MID2: variants seen among roughly 807,000 people sequenced by gnomAD.
MID2 encodes probable E3 ubiquitin-protein ligase MID2.
Under a neutral mutation model 46.1 loss-of-function variants are expected in MID2, and 13 were observed. The observed-to-expected ratio is 0.28, with a 90% CI of 0.18 to 0.45. The LOEUF is 0.45. Ranked by LOEUF, MID2 falls within the 20% of genes least tolerant of loss-of-function variation. The pLI is 1.00. For missense variants in MID2, 431 were observed against 575.4 expected, an observed-to-expected ratio of 0.75 and a Z score of 2.57; for synonymous variants, 199 against 212.3, an observed-to-expected ratio of 0.94 and a Z score of 0.55.
At position 107,927,460 on chromosome X, in the gene MID2, C is replaced by G. The variant is rs897483117; in HGVS notation, c.*387C>G. ...GCAAGCCAGAGCGGGGGGTGGTCAGCCTTTCTAGTACTGGCCAGTTTGGCC... is the reference window on the plus strand; with the variant it reads ...GCAAGCCAGAGCGGGGGGTGGTCAGGCTTTCTAGTACTGGCCAGTTTGGCC... On this transcript the variant is annotated 3_prime_UTR_variant, in exon 10 of 10. Transcript: ENST00000262843. 1.8e-5 allele frequency among the ~76,000 whole-genome samples: 2 copies of G among 111,329 alleles called. No homozygotes were observed. Among genetic ancestry groups the G allele is most frequent in the African/African-American group, 6.5e-5 (2 of 30,603 alleles).
chrX:107,890,755 G>T (rs989152825), intron 3 of MID2, among the ~76,000 whole-genome samples: 11 of 111,831 alleles, frequency 9.8e-5, no homozygotes, highest in African/African-American at 3.3e-4. Context: ...TTGAGCTGCG[G>T]TGGGCTCCAC....
At chrX:107,854,358 T>C (rs1409546403) in intron 2 of MID2, among the ~76,000 whole-genome samples, 1 of 112,397 alleles carries the variant, frequency 8.9e-6, no homozygotes, top group Admixed American at 9.5e-5. Flanking sequence ...AAACATAAGG[T>C]TTCTTTAATG....
At chrX:107,839,773 G>A (rs1424712127) in intron 1 of MID2, among the ~76,000 whole-genome samples, 1 of 112,364 alleles carries the variant, frequency 8.9e-6, no homozygotes, top group Non-Finnish European at 1.9e-5. Context: ...TTTGCATCCT[G>A]TTATGTTTTA....
intron 3 of MID2, among the ~76,000 whole-genome samples, chrX:107,875,577 A>G (rs1415048791): frequency 9.0e-6 from 1 of 111,459 alleles, no homozygotes; most frequent in Non-Finnish European, 1.9e-5. Context: ...CTGTGTTAAT[A>G]TCAGTCTTCA....
chrX:107,925,792 G>A (rs752127618), intron 8 of MID2, among the ~76,000 whole-genome samples: 1 of 111,151 alleles, frequency 9.0e-6, no homozygotes, highest in Non-Finnish European at 1.9e-5. Context: ...GCTCCTCTTT[G>A]CTTGGAATAT....
chrX:107,848,503 G>A (rs1931538559), intron 2 of MID2, among the ~76,000 whole-genome samples: 1 of 111,236 alleles, frequency 9.0e-6, no homozygotes. Flanking sequence ...GAGAGTGGGG[G>A]AGGTGTGGGT....
intron 1 of MID2, among the ~76,000 whole-genome samples, chrX:107,830,701 T>A (rs1399340818): frequency 8.9e-6 from 1 of 112,298 alleles, no homozygotes; most frequent in African/African-American, 3.2e-5. Context: ...ACTAGAAAAG[T>A]GTTTCTCAAC....
intron 1 of MID2, among the ~76,000 whole-genome samples, chrX:107,835,752 G>C (rs1237597935): frequency 8.9e-6 from 1 of 111,866 alleles, no homozygotes; most frequent in Non-Finnish European, 1.9e-5. Flanking sequence ...CTAGAGACTA[G>C]ACCTATATCA....
chrX:107,899,310 A>T (rs1932776185), intron 3 of MID2, among the ~76,000 whole-genome samples: 1 of 109,351 alleles, frequency 9.1e-6, no homozygotes, highest in South Asian at 4.0e-4. Context: ...GCAGTTTCTT[A>T]AATCTTTGCA....
At chrX:107,873,625 T>G (rs932933805) in intron 3 of MID2, among the ~76,000 whole-genome samples, 4 of 111,970 alleles carry the variant, frequency 3.6e-5, no homozygotes, top group African/African-American at 1.3e-4. Context: ...TAGATTATAT[T>G]TCTCTTAAGG....
At chrX:107,870,454 C>T in intron 3 of MID2, among the ~76,000 whole-genome samples, 1 of 110,491 alleles carries the variant, frequency 9.1e-6, no homozygotes, top group East Asian at 2.8e-4. Context: ...AGGCCTGGAG[C>T]CTTAAAAAAA....
intron 4 of MID2, 27 bp from the exon 5 acceptor site, chrX:107,905,450 AT>A (rs1192268562): frequency 3.4e-6 from 4 of 1,159,928 alleles, no homozygotes; most frequent in Non-Finnish European, 4.6e-6. Flanking sequence ...GTTTTATCTT[AT>A]TTTTTTCTTT....
intron 3 of MID2, among the ~76,000 whole-genome samples, chrX:107,867,453 G>A (rs190890107): frequency 2.7e-5 from 3 of 110,435 alleles, no homozygotes; most frequent in Non-Finnish European, 3.8e-5. Flanking sequence ...GAGCCACCGC[G>A]CCCGGCCTGT....
At chrX:107,850,624 T>C (rs1475232601) in intron 2 of MID2, among the ~76,000 whole-genome samples, 1 of 112,618 alleles carries the variant, frequency 8.9e-6, no homozygotes, top group African/African-American at 3.2e-5. Flanking sequence ...AGAGTCATCT[T>C]GTCAGATCTA....
intron 3 of MID2, among the ~76,000 whole-genome samples, chrX:107,880,368 C>G (rs1040195424): frequency 2.7e-5 from 3 of 111,254 alleles, no homozygotes; most frequent in Non-Finnish European, 5.6e-5. Flanking sequence ...GCGATCTGCC[C>G]ACTTCAGCCT....
chrX:107,927,462 T>C lies in MID2; in HGVS notation c.*389T>C. ...AAGCCAGAGCGGGGGGTGGTCAGCC[T>C]TTCTAGTACTGGCCAGTTTGGCCAT... On this transcript the variant is annotated 3_prime_UTR_variant, in exon 10 of 10. Coordinates refer to ENST00000262843, the MANE Select transcript of MID2 (RefSeq NM_012216.4). Among the ~76,000 whole-genome samples the C allele has an allele frequency of 9.0e-6, 1 of 111,651 alleles. No individual in the cohort carries two copies. The highest frequency in any genetic ancestry group is 1.9e-5 in the Non-Finnish European group (1 of 53,059).
intron 3 of MID2, among the ~76,000 whole-genome samples, chrX:107,885,983 T>G (rs1932442572): frequency 8.9e-6 from 1 of 112,114 alleles, no homozygotes; most frequent in African/African-American, 3.3e-5. Context: ...GTTTTTTTCT[T>G]GTAAATTTGT....
rs1438783993 is a variant in MID2, at chrX:107,915,984, T to A, written c.1074-18T>A. 2 of 1,197,034 alleles carry A rather than the reference T, an allele frequency of 1.7e-6. No homozygotes were observed. Among genetic ancestry groups the A allele is most frequent in the Non-Finnish European group, 2.2e-6 (2 of 890,130 alleles). ...CAACCTATTTTGATGTATATTGATG[T>A]ACTTTTCTCTTTTTCAGGGTCGCTA... On this transcript the variant is annotated intron_variant, in intron 5 of 9. Coordinates refer to ENST00000262843, the MANE Select transcript of MID2 (RefSeq NM_012216.4).
intron 3 of MID2, among the ~76,000 whole-genome samples, chrX:107,887,744 C>T (rs1932492087): frequency 8.9e-6 from 1 of 111,746 alleles, no homozygotes; most frequent in South Asian, 3.8e-4. Flanking sequence ...GCTGTGAATC[C>T]ATCCGATCCT....
Sources: allele counts gnomAD v4.1 joint callset (sites outside exome capture counted in the v4.1 genomes callset), GRCh38; gene constraint gnomAD v4.1.1; transcripts MANE v1.5; gene names NCBI Gene and HGNC (gene_info 2026-07-23, HGNC 2026-07-21).